Variants in COL21A1 observed in about 807,000 individuals in gnomAD.
The protein encoded by COL21A1 is collagen alpha-1(XXI) chain.
A neutral mutation model predicts 137.9 loss-of-function variants in COL21A1; 149 were observed. The ratio of observed to expected loss-of-function variants is 1.08; its 90% CI spans 0.95 to 1.24. The LOEUF is 1.24. Among genes scored for constraint, COL21A1 ranks in the 50% most tolerant of loss-of-function variants. The pLI is 0.00. For synonymous variants in COL21A1, 456 were observed against 391.5 expected (o/e 1.16, Z -1.95); for missense variants, 1,167 against 1,158.4 (o/e 1.01, Z -0.11).
intron 17 of COL21A1, 99 bp from the exon 18 acceptor site, chr6:56,077,672 A>G (rs1767367465): frequency 1.5e-6 from 1 of 667,166 alleles, no homozygotes; most frequent in Admixed American, 3.0e-5. Flanking sequence ...GGTAAATAAC[A>G]TATTTTCAAA....
At chr6:56,321,183 T>C (rs1191333342) in intron 1 of COL21A1, among the ~76,000 whole-genome samples, 1 of 152,184 alleles carries the variant, frequency 6.6e-6, no homozygotes, top group Admixed American at 6.6e-5. Context: ...CTGCACATCT[T>C]ATGAGTCAAG....
chr6:56,257,233 T>A (rs1763108667), intron 1 of COL21A1, among the ~76,000 whole-genome samples: 1 of 152,184 alleles, frequency 6.6e-6, no homozygotes, highest in African/African-American at 2.4e-5. Flanking sequence ...ATTATTGAAC[T>A]TAAAATAGTT....
At chr6:56,065,504 T>C (rs1346624004) in intron 23 of COL21A1, among the ~76,000 whole-genome samples, 3 of 151,960 alleles carry the variant, frequency 2.0e-5, no homozygotes, top group Admixed American at 1.3e-4. Context: ...AAGTCTACAA[T>C]GTATAATTAA....
At chr6:56,129,675 C>CATGTGTGTGTGT (rs1258564310) in intron 12 of COL21A1, among the ~76,000 whole-genome samples, 1 of 136,414 alleles carries the variant, frequency 7.3e-6, no homozygotes, top group Non-Finnish European at 1.5e-5. Flanking sequence ...CACGTGCGTG[C>CATGTGTGTGTGT]GTGTGTGTGT....
chr6:56,286,806 A>G (rs1352428815), intron 1 of COL21A1, among the ~76,000 whole-genome samples: 4 of 152,240 alleles, frequency 2.6e-5, no homozygotes, highest in African/African-American at 9.6e-5. Flanking sequence ...GTGATATACA[A>G]GTATGAGAAG....
intron 1 of COL21A1, among the ~76,000 whole-genome samples, chr6:56,186,758 C>T (rs1381286006): frequency 2.0e-5 from 3 of 152,082 alleles, no homozygotes; most frequent in Admixed American, 6.5e-5. Flanking sequence ...GAAAGACCCC[C>T]GTACTGAAAC....
intron 3 of COL21A1, among the ~76,000 whole-genome samples, chr6:56,174,270 C>A (rs1777283608): frequency 1.3e-5 from 2 of 151,440 alleles, no homozygotes; most frequent in Admixed American, 6.6e-5. Context: ...ACCTCAAGGA[C>A]CTACAGAAAA....
intron 16 of COL21A1, among the ~76,000 whole-genome samples, chr6:56,121,814 ATAAAG>A (rs901098070): frequency 6.6e-6 from 1 of 151,968 alleles, no homozygotes; most frequent in African/African-American, 2.4e-5. Context: ...GTTGTTAAAA[ATAAAG>A]TAATTTAAAC....
intron 17 of COL21A1, among the ~76,000 whole-genome samples, chr6:56,097,668 T>A (rs983614950): frequency 6.8e-6 from 1 of 148,148 alleles, no homozygotes; most frequent in East Asian, 2.0e-4. Context: ...CAAACCCAAA[T>A]CAGTGTCTGC....
intron 17 of COL21A1, among the ~76,000 whole-genome samples, chr6:56,100,945 G>A (rs1770404028): frequency 6.6e-6 from 1 of 152,134 alleles, no homozygotes; most frequent in Non-Finnish European, 1.5e-5. Context: ...AATAAAATAA[G>A]ATCTGCTGGT....
chr6:56,095,454 G>A (rs1381429044), intron 17 of COL21A1, among the ~76,000 whole-genome samples: 1 of 152,176 alleles, frequency 6.6e-6, no homozygotes, highest in East Asian at 1.9e-4. Context: ...AGAGGTGACA[G>A]AGCTCACTAA....
chr6:56,318,363 C>G (rs184071674), intron 1 of COL21A1, among the ~76,000 whole-genome samples: 26 of 152,180 alleles, frequency 1.7e-4, no homozygotes, highest in Admixed American at 7.9e-4. Context: ...TCCACTAACC[C>G]TTAGTGCTAC....
rs571833268 is a variant in COL21A1, at chr6:56,092,500, A to G, written c.1812+8972T>C. Among the ~76,000 whole-genome samples, 3 of 152,304 alleles carry G rather than the reference A, an allele frequency of 2.0e-5. No individual in the cohort carries two copies. The South Asian group carries it at 6.2e-4, about 32-fold the overall frequency. ...TACTAAATACAACAATGAAAAATGT[A>G]GGAAAATGAGAAATAGACAAATTAA... On this transcript the variant is annotated intron_variant, in intron 17 of 29. Coordinates refer to ENST00000244728, the MANE Select transcript of COL21A1 (RefSeq NM_030820.4).
rs1240826575 is a variant in COL21A1, at chr6:56,116,705, G to GA, written c.1758+7356dup. Reference sequence around the variant, plus strand: ...AAATTCCTCTTATCCTAAATAGAAAGACTAAATAATGAACCAATCAAAAAT... The same window carrying GA: ...AAATTCCTCTTATCCTAAATAGAAAGAACTAAATAATGAACCAATCAAAAAT... On this transcript the variant is annotated intron_variant, in intron 16 of 29. Coordinates refer to ENST00000244728, the MANE Select transcript of COL21A1 (RefSeq NM_030820.4). Among the ~76,000 whole-genome samples the GA allele has an allele frequency of 5.3e-5, 8 of 151,848 alleles. No individual in the cohort carries two copies. In the East Asian group the frequency reaches 1.4e-3, roughly 26 times the overall value.
intron 18 of COL21A1, 124 bp downstream of exon 18, chr6:56,077,405 T>A: frequency 1.5e-6 from 1 of 680,422 alleles, no homozygotes; most frequent in Non-Finnish European, 2.5e-6. Flanking sequence ...AACAACGTCT[T>A]CTAAAATTAT....
chr6:56,199,272 C>A (rs1209766523), intron 1 of COL21A1, among the ~76,000 whole-genome samples: 1 of 151,350 alleles, frequency 6.6e-6, no homozygotes, highest in East Asian at 1.9e-4. Context: ...TAGATGCTAC[C>A]TTCTCAAATA....
chr6:56,297,814 G>T (rs1343207007), intron 1 of COL21A1, among the ~76,000 whole-genome samples: 2 of 152,074 alleles, frequency 1.3e-5, no homozygotes, highest in Non-Finnish European at 2.9e-5. Flanking sequence ...TTATGACTCA[G>T]AATTTTGCCT....
At position 56,125,622 on chromosome 6, in the gene COL21A1, TA is replaced by T; in HGVS notation, c.1597-3del. On this transcript the variant is annotated splice_region_variant and splice_polypyrimidine_tract_variant and intron_variant, in intron 13 of 29. Coordinates refer to ENST00000244728, the MANE Select transcript of COL21A1 (RefSeq NM_030820.4). ...GTCTCCTTTGGCACCCATTTCACCCTAAAAGACAAAATATAAATAGTGAATA... is the reference window on the plus strand; with the variant it reads ...GTCTCCTTTGGCACCCATTTCACCCTAAAGACAAAATATAAATAGTGAATA... 1.3e-6 allele frequency: 2 copies of T among 1,564,216 alleles called. No homozygotes were observed. The highest frequency in any genetic ancestry group is 1.7e-6 in the Non-Finnish European group (2 of 1,149,126).
At position 56,201,184 on chromosome 6, in the gene COL21A1, A is replaced by T. The variant is rs1201406292; in HGVS notation, c.-38-18528T>A. Reference sequence around the variant, plus strand: ...TTTTCTTGTAAATTTGTTGGAGTTCATTGTAGATTCTGGATATTAGCCCTT... The same window carrying T: ...TTTTCTTGTAAATTTGTTGGAGTTCTTTGTAGATTCTGGATATTAGCCCTT... On this transcript the variant is annotated intron_variant, in intron 1 of 29. Transcript: ENST00000244728. Among the ~76,000 whole-genome samples, 3 of 151,896 alleles carry T rather than the reference A, an allele frequency of 2.0e-5. No individual in the cohort carries two copies. In the East Asian group the frequency reaches 5.8e-4, roughly 29 times the overall value.
Sources: allele counts gnomAD v4.1 joint callset (sites outside exome capture counted in the v4.1 genomes callset), GRCh38; gene constraint gnomAD v4.1.1; transcripts MANE v1.5; gene names NCBI Gene and HGNC (gene_info 2026-07-23, HGNC 2026-07-21).